Variants in LAMA2 observed in about 807,000 individuals in gnomAD.
LAMA2 encodes the protein laminin subunit alpha-2.
LAMA2 carries 269 observed loss-of-function variants against 364.8 expected under a neutral mutation model. The ratio of observed to expected loss-of-function variants is 0.74; its 90% CI spans 0.67 to 0.82. The LOEUF is 0.82. Ranked by LOEUF, LAMA2 falls within the 40% of genes least tolerant of loss-of-function variation. The probability of loss-of-function intolerance (pLI) is 0.00; values close to 1 mark genes in which losing one functional copy is unlikely to be tolerated. For missense variants in LAMA2, 3,807 were observed against 3,873.2 expected (o/e 0.98, Z 0.45); for synonymous variants, 1,379 against 1,370.6 (o/e 1.01, Z -0.14).
chr6:128,940,543 A>C (rs189658072), intron 1 of LAMA2, among the ~76,000 whole-genome samples: 1 of 152,370 alleles, frequency 6.6e-6, no homozygotes, highest in African/African-American at 2.4e-5. Context: ...TGGGTAATGC[A>C]TTCATGAGTG....
chr6:129,258,884 A>G (rs1247327003), intron 14 of LAMA2, among the ~76,000 whole-genome samples: 2 of 152,064 alleles, frequency 1.3e-5, no homozygotes, highest in African/African-American at 4.8e-5. Flanking sequence ...GGACAGTGAT[A>G]TTTGCCTAAT....
At chr6:129,037,058 T>A (rs1786690847) in intron 1 of LAMA2, among the ~76,000 whole-genome samples, 1 of 152,256 alleles carries the variant, frequency 6.6e-6, no homozygotes, top group East Asian at 1.9e-4. Context: ...CAGTCAATTA[T>A]CTCCTTTTCT....
At chr6:129,200,701 C>G (rs1373543924) in intron 12 of LAMA2, among the ~76,000 whole-genome samples, 2 of 151,828 alleles carry the variant, frequency 1.3e-5, no homozygotes, top group Non-Finnish European at 2.9e-5. Context: ...GATATAATGA[C>G]TAAGGCAAAA....
At chr6:128,909,466 T>A (rs1462873735) in intron 1 of LAMA2, among the ~76,000 whole-genome samples, 7 of 150,728 alleles carry the variant, frequency 4.6e-5, no homozygotes, top group Admixed American at 2.0e-4. Context: ...AACCCCTGCC[T>A]TTTTTTGTTT....
Position 129,438,517 on chromosome 6 carries a change from C to G in LAMA2, c.5969-129C>G, listed in dbSNP as rs113372397. ...TTGGAAATATATTTATGTATAGATGCCAATAAATTAAATACATTTTCTTGC... is the reference window on the plus strand; with the variant it reads ...TTGGAAATATATTTATGTATAGATGGCAATAAATTAAATACATTTTCTTGC... On this transcript the variant is annotated intron_variant, in intron 41 of 64. Transcript: ENST00000421865. 7.2e-4 allele frequency: 419 copies of G among 585,658 alleles called. 4 individuals are homozygous for G. Among genetic ancestry groups the G allele is most frequent in the African/African-American group, 7.1e-3 (380 of 53,372 alleles). The allele number at this position is 585,658 out of a possible 1,614,324, so 36.3% of individuals were successfully genotyped here.
At chr6:129,493,974 T>G (rs2114864325) in intron 58 of LAMA2, among the ~76,000 whole-genome samples, 1 of 152,216 alleles carries the variant, frequency 6.6e-6, no homozygotes, top group East Asian at 1.9e-4. Flanking sequence ...GCATCAAGCT[T>G]TTTCATTATT....
At chr6:129,142,115 T>A (rs2114955926) in intron 4 of LAMA2, among the ~76,000 whole-genome samples, 1 of 152,188 alleles carries the variant, frequency 6.6e-6, no homozygotes, top group South Asian at 2.1e-4. Flanking sequence ...CAGTCCCATA[T>A]TGATGGATAT....
At chr6:129,007,454 A>C (rs1426632821) in intron 1 of LAMA2, among the ~76,000 whole-genome samples, 2 of 152,160 alleles carry the variant, frequency 1.3e-5, no homozygotes, top group East Asian at 1.9e-4. Flanking sequence ...TCTAGATGCT[A>C]TTCATCTTCC....
intron 4 of LAMA2, among the ~76,000 whole-genome samples, chr6:129,117,696 C>T (rs925438764): frequency 1.2e-4 from 18 of 152,134 alleles, no homozygotes; most frequent in Admixed American, 1.3e-4. Context: ...GCTCACATTC[C>T]CCGATCACAT....
At chr6:128,986,597 A>G (rs1387149082) in intron 1 of LAMA2, among the ~76,000 whole-genome samples, 2 of 152,054 alleles carry the variant, frequency 1.3e-5, no homozygotes, top group African/African-American at 2.4e-5. Context: ...AGCTCTCTAT[A>G]TATCATTTCA....
In LAMA2 at chr6:129,340,730, G is replaced by A. The variant is rs376567975; in HGVS notation, c.4312-1613G>A. On this transcript the variant is annotated intron_variant, in intron 29 of 64. Transcript: ENST00000421865. ...TATGTGCCTGTAGTACCAGCTACTC[G>A]GGAAGGTGAGGCAGGAGAATCCCTT... Among the ~76,000 whole-genome samples, 100 of 151,184 alleles carry A rather than the reference G, an allele frequency of 6.6e-4. 2 individuals are homozygous for A. The South Asian group carries it at 0.011, about 17-fold the overall frequency.
At chr6:129,294,718 ACTGTAGGTTGT>A (rs1244807269) in intron 20 of LAMA2, among the ~76,000 whole-genome samples, 24 of 152,262 alleles carry the variant, frequency 1.6e-4, no homozygotes, top group African/African-American at 5.8e-4. Context: ...AAAATTCCAC[ACTGTAGGTTGT>A]CTTGCAGGTA....
intron 4 of LAMA2, among the ~76,000 whole-genome samples, chr6:129,130,007 G>A (rs1255387643): frequency 6.6e-6 from 1 of 152,020 alleles, no homozygotes; most frequent in African/African-American, 2.4e-5. Flanking sequence ...GTAGCTGTTA[G>A]GAGGAAGCAT....
intron 58 of LAMA2, among the ~76,000 whole-genome samples, chr6:129,496,878 A>G (rs1785232502): frequency 6.6e-6 from 1 of 152,220 alleles, no homozygotes; most frequent in African/African-American, 2.4e-5. Flanking sequence ...ACAAATAAGG[A>G]TAATAATATC....
At position 129,098,073 on chromosome 6, in the gene LAMA2, T is replaced by C. The variant is rs1775290120; in HGVS notation, c.397-100T>C. ...AACATTATAAGATTATAGAATAAAA[T>C]CTGAAATAAAATCTACTGTAGCATT... On this transcript the variant is annotated intron_variant, in intron 3 of 64. Transcript: ENST00000421865. The C allele has an allele frequency of 8.0e-6, 10 of 1,243,148 alleles. No individual in the cohort carries two copies. The East Asian group carries it at 1.2e-4, about 15-fold the overall frequency. 77.0% of individuals were successfully genotyped at this position (1,243,148 alleles called of 1,614,324 possible).
At chr6:129,033,896 T>G (rs562952157) in intron 1 of LAMA2, among the ~76,000 whole-genome samples, 1 of 28,464 alleles carries the variant, frequency 3.5e-5, no homozygotes, top group African/African-American at 5.2e-5. Context: ...CAGCTATGGG[T>G]TTTTTTTTTT....
In LAMA2 at chr6:128,883,265, T is replaced by C. The variant is rs1397324947; in HGVS notation, c.20T>C (p.Val7Ala). Residue 7 changes from valine (V) to alanine (A), a missense_variant, in exon 1 of 65, where the codon GTC (valine) becomes GCC (alanine). Coordinates refer to ENST00000421865, the MANE Select transcript of LAMA2 (RefSeq NM_000426.4). ...ACTACGATGCCGGGAGCCGCCGGGG[T>C]CCTCCTCCTTCTGCTGCTCTCCGGA... is the stretch of plus-strand genomic sequence containing the variant. MPGAAG[V>A]LLLLLLSGGL... is the part of the protein sequence containing the mutation. 1.9e-6 allele frequency: 3 copies of C among 1,559,320 alleles called. No homozygotes were observed. In the African/African-American group the frequency reaches 4.1e-5, roughly 21 times the overall value.
intron 1 of LAMA2, among the ~76,000 whole-genome samples, chr6:129,025,449 G>A (rs150590523): frequency 2.6e-5 from 4 of 152,112 alleles, no homozygotes; most frequent in Admixed American, 2.6e-4. Context: ...CGTGAGAATG[G>A]TTATTGCTCT....
At chr6:129,500,492 C>T (rs1301517823) in intron 58 of LAMA2, among the ~76,000 whole-genome samples, 1 of 152,196 alleles carries the variant, frequency 6.6e-6, no homozygotes, top group African/African-American at 2.4e-5. Context: ...CTGCCTGCTT[C>T]TTGAGGGCTG....
Sources: gnomAD v4.1 joint callset for allele counts (sites outside exome capture counted in the v4.1 genomes callset) on GRCh38, gnomAD v4.1.1 for gene constraint, MANE v1.5 for transcripts, NCBI Gene and HGNC (gene_info 2026-07-23, HGNC 2026-07-21) for gene names.